BIN3: variants seen among roughly 807,000 people sequenced by gnomAD.
BIN3 encodes the protein bridging integrator 3.
Under a neutral mutation model 38.2 loss-of-function variants are expected in BIN3, and 41 were observed. The ratio of observed to expected loss-of-function variants is 1.07; its 90% confidence interval spans 0.84 to 1.39. The LOEUF (loss-of-function observed/expected upper bound fraction) is 1.39. BIN3 is among the 40% of genes most tolerant of loss of function. The probability of loss-of-function intolerance (pLI) is 0.00; values close to 1 mark genes in which losing one functional copy is unlikely to be tolerated. For synonymous variants in BIN3, 145 were observed against 122.6 expected, an observed-to-expected ratio of 1.18 and a Z score of -1.21; for missense variants, 361 against 324.3, an observed-to-expected ratio of 1.11 and a Z score of -0.87.
At position 22,646,933 on chromosome 8, in the gene BIN3, A is replaced by G. The variant is rs116985363; in HGVS notation, c.9-2130T>C. On this transcript the variant is annotated intron_variant, in intron 1 of 8. Coordinates refer to ENST00000276416, the MANE Select transcript of BIN3 (RefSeq NM_018688.6). Reference sequence around the variant, plus strand: ...GACCACTCTGGAGACATTGCAAATGAGGTCCCAGTGGCATTGCAGACAGAC... The same window carrying G: ...GACCACTCTGGAGACATTGCAAATGGGGTCCCAGTGGCATTGCAGACAGAC... 1.8e-3 allele frequency among the ~76,000 whole-genome samples: 271 copies of G among 150,774 alleles called. 3 individuals are homozygous for G. In the East Asian group the frequency reaches 0.047, roughly 26 times the overall value.
At chr8:22,661,177 G>A (rs1329641481) in intron 1 of BIN3, among the ~76,000 whole-genome samples, 2 of 151,958 alleles carry the variant, frequency 1.3e-5, no homozygotes, top group African/African-American at 2.4e-5. Flanking sequence ...GAGCCACCTC[G>A]ACTGGCCCCT....
intron 1 of BIN3, among the ~76,000 whole-genome samples, chr8:22,649,179 T>G (rs1408354559): frequency 1.3e-5 from 2 of 152,184 alleles, no homozygotes; most frequent in Non-Finnish European, 2.9e-5. Flanking sequence ...TGTCCCAAAC[T>G]GGGACATTTT....
At chr8:22,638,182 A>G (rs1802432924) in intron 2 of BIN3, among the ~76,000 whole-genome samples, 1 of 152,354 alleles carries the variant, frequency 6.6e-6, no homozygotes, top group East Asian at 1.9e-4. Flanking sequence ...AAGCCACGCT[A>G]TTCCTACCAC....
chr8:22,630,985 T>C (rs960374209), intron 4 of BIN3, among the ~76,000 whole-genome samples: 2 of 152,194 alleles, frequency 1.3e-5, no homozygotes, highest in South Asian at 4.1e-4. Flanking sequence ...TGGACAAGAA[T>C]AACAGTACTC....
chr8:22,638,522 A>G (rs1802442011), intron 2 of BIN3, among the ~76,000 whole-genome samples: 1 of 152,238 alleles, frequency 6.6e-6, no homozygotes, highest in African/African-American at 2.4e-5. Context: ...TCAAACAGAC[A>G]TGGGCCCTGG....
At chr8:22,623,724 T>C (rs1016976632) in intron 8 of BIN3, among the ~76,000 whole-genome samples, 191 bp downstream of exon 8, 1 of 152,196 alleles carries the variant, frequency 6.6e-6, no homozygotes, top group African/African-American at 2.4e-5. Flanking sequence ...GTGAGGAGTC[T>C]AACAGCAGAC....
intron 2 of BIN3, among the ~76,000 whole-genome samples, chr8:22,644,140 G>C (rs1444030699): frequency 6.6e-6 from 1 of 152,250 alleles, no homozygotes. Flanking sequence ...TGGACTAGAT[G>C]GTCTCTATGA....
chr8:22,654,182 C>T (rs965873256), intron 1 of BIN3, among the ~76,000 whole-genome samples: 37 of 152,146 alleles, frequency 2.4e-4, no homozygotes, highest in African/African-American at 8.9e-4. Flanking sequence ...TAACTGCACC[C>T]TAATTCCCAA....
Position 22,621,542 on chromosome 8 carries a change from C to A in BIN3, c.642G>T (p.Lys214Asn). Reference sequence around the variant, plus strand: ...GCTGATGGGACAGGTCTCCAAAGATCTTGTGCATTTCCGAGTAGTACACAA... The same window carrying A: ...GCTGATGGGACAGGTCTCCAAAGATATTGTGCATTTCCGAGTAGTACACAA... ...AQVVYYSEMH[K>N]IFGDLSHQLD... Residue 214 changes from lysine to asparagine, a missense_variant, in exon 9 of 9, where the codon AAG becomes AAT. Transcript: ENST00000276416. The A allele has an allele frequency of 1.2e-6, 2 of 1,613,838 alleles. No homozygotes were observed. The highest frequency in any genetic ancestry group is 1.7e-6 in the Non-Finnish European group (2 of 1,179,886).
At chr8:22,629,451 G>C (rs1802109903) in intron 6 of BIN3, among the ~76,000 whole-genome samples, 1 of 152,198 alleles carries the variant, frequency 6.6e-6, no homozygotes. Flanking sequence ...AAGCATTCCT[G>C]ACCCCAACAG....
rs552190165 is a variant in BIN3 at position 22,626,962 on chromosome 8, C to T, written c.339-2599G>A. 5.6e-3 allele frequency among the ~76,000 whole-genome samples: 847 copies of T among 152,244 alleles called. 3 individuals carry two copies. Among genetic ancestry groups the T allele is most frequent in the Non-Finnish European group, 0.01 (691 of 67,994 alleles). On this transcript the variant is annotated intron_variant, in intron 6 of 8. Coordinates refer to ENST00000276416, the MANE Select transcript of BIN3 (RefSeq NM_018688.6). ...AGGGAGGCCGGGTTACAGAGCTCCTCGGGGGATGGCGTGGTGGTGTCTCCA... is the reference window on the plus strand; with the variant it reads ...AGGGAGGCCGGGTTACAGAGCTCCTTGGGGGATGGCGTGGTGGTGTCTCCA...
At chr8:22,634,651 C>T in intron 4 of BIN3, 1 of 409,538 alleles carries the variant, frequency 2.4e-6, no homozygotes. Flanking sequence ...GTGCCCACTG[C>T]CCTGTGGCCC....
intron 4 of BIN3, among the ~76,000 whole-genome samples, chr8:22,634,757 G>A (rs369186194): frequency 7.2e-5 from 11 of 152,266 alleles, no homozygotes; most frequent in African/African-American, 2.6e-4. Context: ...CCGGAGTGGG[G>A]GCTGTTTCGG....
chr8:22,621,625 G>A (rs1801822330), intron 8 of BIN3, 57 bp from the exon 9 acceptor site: 3 of 1,551,162 alleles, frequency 1.9e-6, no homozygotes, highest in Non-Finnish European at 2.7e-6. Flanking sequence ...TGTGCTTCAG[G>A]GGGCCAGAGG....
chr8:22,630,340 T>G, intron 5 of BIN3, 102 bp downstream of exon 5: 1 of 1,490,330 alleles, frequency 6.7e-7, no homozygotes, highest in East Asian at 2.3e-5. Context: ...CTTAGAGCCC[T>G]GAGAGCAGAG....
At chr8:22,660,169 C>G (rs570285967) in intron 1 of BIN3, among the ~76,000 whole-genome samples, 1 of 152,350 alleles carries the variant, frequency 6.6e-6, no homozygotes, top group Non-Finnish European at 1.5e-5. Context: ...GAGAGGAAGG[C>G]AGGCAACTCA....
At chr8:22,645,033 C>T (rs1322691118) in intron 1 of BIN3, 3 of 483,132 alleles carry the variant, frequency 6.2e-6, no homozygotes, top group African/African-American at 5.8e-5. Flanking sequence ...TGCTCTGCCC[C>T]AGAACATCTT....
chr8:22,641,456 T>C (rs1374730561), intron 2 of BIN3, among the ~76,000 whole-genome samples: 1 of 152,080 alleles, frequency 6.6e-6, no homozygotes, highest in Non-Finnish European at 1.5e-5. Flanking sequence ...CTTATGCTCA[T>C]GGTGAAGTGA....
chr8:22,625,403 T>A (rs1244596799), intron 6 of BIN3: 1 of 701,920 alleles, frequency 1.4e-6, no homozygotes, highest in African/African-American at 1.8e-5. Context: ...ACCAGAAGAG[T>A]TGGTTCCTCC....
Sources: allele counts gnomAD v4.1 joint callset (sites outside exome capture counted in the v4.1 genomes callset), GRCh38; gene constraint gnomAD v4.1.1; transcripts MANE v1.5; gene names NCBI Gene and HGNC (gene_info 2026-07-23, HGNC 2026-07-21).